The following HK1 variants were observed in gnomAD, a reference collection of about 807,000 sequenced individuals.
The protein encoded by HK1 is hexokinase-1.
A neutral mutation model predicts 91.6 loss-of-function variants in HK1; 28 were observed. The ratio of observed to expected loss-of-function variants is 0.31; its 90% CI spans 0.23 to 0.42. The LOEUF is 0.42. HK1 is among the 10% of genes least tolerant of loss of function. The pLI, the probability that HK1 is intolerant of heterozygous loss-of-function variation, is 1.00. For missense variants in HK1, 770 were observed against 1,219.8 expected (o/e 0.63, Z 5.49); for synonymous variants, 430 against 468.1 (o/e 0.92, Z 1.05).
intron 2 of HK1, among the ~76,000 whole-genome samples, chr10:69,346,064 T>C (rs1342578396): frequency 2.7e-5 from 4 of 145,986 alleles, no homozygotes; most frequent in Non-Finnish European, 6.1e-5. Flanking sequence ...CAACCCCCAG[T>C]CCACTTCCTG....
rs995730297 is a variant in HK1, at chr10:69,371,304, G to GT, written c.875+1686dup. On this transcript the variant is annotated intron_variant, in intron 7 of 17. Transcript: ENST00000359426. ...AGTTCCAAAGCTCTGACAGTCAAAG[G>GT]TTTTTTACCATACCCCCCCCCACCC... Among the ~76,000 whole-genome samples the GT allele has an allele frequency of 8.7e-4, 132 of 151,344 alleles. 1 individual carries two copies. The highest frequency in any genetic ancestry group is 6.8e-3 in the Middle Eastern group (2 of 292).
Position 69,392,210 on chromosome 10 carries a change from G to A in HK1, c.2121G>A (p.Met707Ile), listed in dbSNP as rs1328915268. 1 of 1,614,212 alleles carries A rather than the reference G, an allele frequency of 6.2e-7. No homozygotes were observed. Among genetic ancestry groups the A allele is most frequent in the East Asian group, 2.2e-5 (1 of 44,888 alleles). Residue 707 changes from methionine to isoleucine, a missense_variant, in exon 15 of 18, where the codon ATG becomes ATA. Met to Ile is a conservative substitution (Grantham distance 10). Transcript: ENST00000359426. ...EGDQGQMCIN[M>I]EWGAFGDNGC... ...ACCAGGGGCAGATGTGCATCAACAT[G>A]GAGTGGGGGGCCTTTGGGGACAACG...
chr10:69,348,641 T>C (rs1848688686), intron 2 of HK1, among the ~76,000 whole-genome samples: 1 of 151,978 alleles, frequency 6.6e-6, no homozygotes, highest in East Asian at 1.9e-4. Context: ...CGAAACCCCG[T>C]CTCTACTAAA....
In HK1 at chr10:69,398,652, C is replaced by T; in HGVS notation, c.2433C>T (p.Ser811=). 2 of 1,614,138 alleles carry T rather than the reference C, an allele frequency of 1.2e-6. No homozygotes were observed. The highest frequency in any genetic ancestry group is 1.7e-6 in the Non-Finnish European group (2 of 1,180,018). Residue 811 remains serine, a synonymous_variant, in exon 17 of 18, where the codon AGC becomes AGT. Transcript: ENST00000359426. ...TCCTCCAGCAGCTAGGTCTGAATAG[C>T]ACCTGCGATGACAGTATCCTCGTCA... ...RAILQQLGLN[S]TCDDSILVKT...
chr10:69,318,887 G>T lies in HK1; in HGVS notation c.-61G>T. Reference sequence around the variant, plus strand: ...AGCAGCCGCCGGAGGACCACGGCTCGCCAGGGCTGCGGAGGACCGACCGTC... The same window carrying T: ...AGCAGCCGCCGGAGGACCACGGCTCTCCAGGGCTGCGGAGGACCGACCGTC... On this transcript the variant is annotated 5_prime_UTR_variant, in exon 1 of 18. Coordinates refer to ENST00000359426, the MANE Select transcript of HK1 (RefSeq NM_000188.3). 3 of 1,532,400 alleles carry T rather than the reference G, an allele frequency of 2.0e-6. No individual in the cohort carries two copies. The highest frequency in any genetic ancestry group is 1.2e-5 in the South Asian group (1 of 82,164). 94.9% of individuals were successfully genotyped at this position (1,532,400 alleles called of 1,614,324 possible).
intron 15 of HK1, among the ~76,000 whole-genome samples, chr10:69,393,108 A>ACT: frequency 6.6e-6 from 1 of 151,556 alleles, no homozygotes; most frequent in South Asian, 2.1e-4. Flanking sequence ...CAGCCTCCCC[A>ACT]GTAGCTGGGA....
chr10:69,290,077 G>A (rs1845228278), intron 3 of HK1, among the ~76,000 whole-genome samples: 1 of 152,120 alleles, frequency 6.6e-6, no homozygotes, highest in Non-Finnish European at 1.5e-5. Flanking sequence ...AAGGACTACA[G>A]CTGTTCCACC....
At chr10:69,375,757 C>T (rs1310684837) in intron 7 of HK1, among the ~76,000 whole-genome samples, 1 of 152,222 alleles carries the variant, frequency 6.6e-6, no homozygotes, top group African/African-American at 2.4e-5. Flanking sequence ...AGGGGTTCCT[C>T]CTGGCCCCTC....
In HK1 at chr10:69,300,515, CAATGAAA is replaced by C; in HGVS notation, c.-66-253_-66-247del. 4.0e-6 allele frequency: 3 copies of C among 751,158 alleles called. No individual in the cohort carries two copies. The South Asian group carries it at 4.4e-5, about 11-fold the overall frequency. The allele number at this position is 751,158 out of a possible 1,614,324, so 46.5% of individuals were successfully genotyped here. Reference sequence around the variant, plus strand: ...ATGATGCCAGCTGAGACTGTCAGTACAATGAAATCAAACTGGCCAGATGGAAGCAGAT... The same window carrying C: ...ATGATGCCAGCTGAGACTGTCAGTACTCAAACTGGCCAGATGGAAGCAGAT... On this transcript the variant is annotated intron_variant, in intron 4 of 21. Coordinates refer to the HK1 transcript ENST00000360289.
At chr10:69,317,532 T>G (rs1358511950), upstream of HK1, among the ~76,000 whole-genome samples, 3 of 152,246 alleles carry the variant, frequency 2.0e-5, no homozygotes, top group East Asian at 3.9e-4. Flanking sequence ...ACTCCTAAAG[T>G]CAAGAGCTAG....
intron 10 of HK1, among the ~76,000 whole-genome samples, chr10:69,384,123 C>T (rs1839520360): frequency 6.6e-6 from 1 of 152,214 alleles, no homozygotes; most frequent in Non-Finnish European, 1.5e-5. Flanking sequence ...CACATGCTCT[C>T]CTCCCAGTGT....
At chr10:69,274,887 C>A (rs373104772) in intron 1 of HK1, among the ~76,000 whole-genome samples, 59 of 152,138 alleles carry the variant, frequency 3.9e-4, no homozygotes, top group African/African-American at 1.4e-3. Context: ...GTAGTCTTGC[C>A]TCTATTCTGG....
intron 1 of HK1, among the ~76,000 whole-genome samples, chr10:69,331,891 A>T (rs530243816): frequency 7.8e-4 from 118 of 150,772 alleles, no homozygotes; most frequent in South Asian, 2.8e-3. Context: ...AAAAAAAAAA[A>T]TTTTTTTTCT....
intron 5 of HK1, among the ~76,000 whole-genome samples, chr10:69,308,235 T>C (rs564906880): frequency 4.1e-4 from 63 of 152,278 alleles, no homozygotes; most frequent in African/African-American, 1.5e-3. Flanking sequence ...CGTGTGTGTG[T>C]GGGGATGGTT....
intron 2 of HK1, among the ~76,000 whole-genome samples, chr10:69,351,682 G>A (rs1295390809): frequency 6.6e-6 from 1 of 152,178 alleles, no homozygotes; most frequent in Non-Finnish European, 1.5e-5. Flanking sequence ...CCAGGAGGCA[G>A]TTTTCATGGT....
At chr10:69,332,131 T>G (rs1847758821) in intron 1 of HK1, among the ~76,000 whole-genome samples, 1 of 152,142 alleles carries the variant, frequency 6.6e-6, no homozygotes. Context: ...TAAAATTGCA[T>G]ATGTGGCTCA....
At chr10:69,297,054 T>A (rs139650521) in intron 4 of HK1, among the ~76,000 whole-genome samples, 93 of 152,286 alleles carry the variant, frequency 6.1e-4, no homozygotes, top group African/African-American at 2.1e-3. Flanking sequence ...CCCCACATCA[T>A]GCAGTAGAAA....
chr10:69,324,353 G>A (rs982236417), intron 1 of HK1, among the ~76,000 whole-genome samples: 9 of 152,154 alleles, frequency 5.9e-5, no homozygotes, highest in Non-Finnish European at 1.0e-4. Flanking sequence ...CACTTTGGGA[G>A]GCCAAGGCAG....
intron 4 of HK1, among the ~76,000 whole-genome samples, chr10:69,367,052 G>A (rs574498178): frequency 1.3e-5 from 2 of 152,316 alleles, no homozygotes; most frequent in African/African-American, 2.4e-5. Flanking sequence ...CCCCATGAAG[G>A]TGCAGCCTTC....
Sources: allele counts gnomAD v4.1 joint callset (sites outside exome capture counted in the v4.1 genomes callset), GRCh38; gene constraint gnomAD v4.1.1; transcripts MANE v1.5; gene names NCBI Gene and HGNC (gene_info 2026-07-23, HGNC 2026-07-21).